PLD5: variants seen among roughly 807,000 people sequenced by gnomAD.
PLD5 encodes the protein inactive phospholipase D5.
Under a neutral mutation model 61.1 loss-of-function variants are expected in PLD5, and 36 were observed. The ratio of observed to expected loss-of-function variants is 0.59; its 90% CI spans 0.45 to 0.78. The LOEUF (loss-of-function observed/expected upper bound fraction) is 0.78. Ranked by LOEUF, PLD5 falls within the 30% of genes least tolerant of loss-of-function variation. The pLI, the probability that PLD5 is intolerant of heterozygous loss-of-function variation, is 0.00. For synonymous variants in PLD5, 243 were observed against 242.8 expected (o/e 1.00, Z -0.01); for missense variants, 515 against 644.4 (o/e 0.80, Z 2.17).
intron 2 of PLD5, among the ~76,000 whole-genome samples, chr1:242,291,460 A>G (rs565954654): frequency 1.3e-5 from 2 of 152,218 alleles, no homozygotes; most frequent in Admixed American, 1.3e-4. Flanking sequence ...CAAAGAATGC[A>G]TATTGGGTGT....
chr1:242,174,492 G>A (rs316881), intron 5 of PLD5, among the ~76,000 whole-genome samples: 55,860 of 151,208 alleles, frequency 0.37, 10,740 homozygotes, highest in African/African-American at 0.47. Flanking sequence ...TCAGTGTGGC[G>A]ATTCCTCAGG....
Position 242,330,814 on chromosome 1 carries a change from T to C in PLD5, c.326+17292A>G, listed in dbSNP as rs569426445. Among the ~76,000 whole-genome samples the C allele has an allele frequency of 3.6e-4, 55 of 152,326 alleles. No individual in the cohort carries two copies. The South Asian group carries it at 7.1e-3, about 20-fold the overall frequency. ...TCAATCTTTTGGCATTTCATAGACA[T>C]ACTTTTAGAGGAAAAAGGGATTTTG... On this transcript the variant is annotated intron_variant, in intron 2 of 9. Transcript: ENST00000536534.
chr1:242,315,360 G>T (rs1011178067), intron 2 of PLD5, among the ~76,000 whole-genome samples: 4 of 152,188 alleles, frequency 2.6e-5, no homozygotes, highest in Non-Finnish European at 5.9e-5. Flanking sequence ...AAATATGCAA[G>T]AAATTATAAA....
chr1:242,500,705 G>A (rs1265587555), intron 1 of PLD5, among the ~76,000 whole-genome samples: 1 of 152,068 alleles, frequency 6.6e-6, no homozygotes, highest in Non-Finnish European at 1.5e-5. Context: ...AGGAGCAAAG[G>A]TACAGAGCCC....
At chr1:242,381,448 T>G (rs974534329) in intron 1 of PLD5, among the ~76,000 whole-genome samples, 1 of 152,030 alleles carries the variant, frequency 6.6e-6, no homozygotes, top group Non-Finnish European at 1.5e-5. Flanking sequence ...ATGCTGAGCT[T>G]AATACCTAGG....
chr1:242,438,191 G>C (rs1225420467), intron 1 of PLD5, among the ~76,000 whole-genome samples: 1 of 152,062 alleles, frequency 6.6e-6, no homozygotes, highest in Non-Finnish European at 1.5e-5. Flanking sequence ...AGGTATATGA[G>C]GTCCACTGGG....
intron 1 of PLD5, among the ~76,000 whole-genome samples, chr1:242,410,739 C>T (rs527619778): frequency 6.6e-6 from 1 of 152,086 alleles, no homozygotes; most frequent in East Asian, 1.9e-4. Flanking sequence ...TATCCTACTG[C>T]TCAAGGTCAT....
intron 5 of PLD5, among the ~76,000 whole-genome samples, chr1:242,207,902 A>ATATTTATATTTATATATATT (rs1553324945): frequency 4.7e-5 from 1 of 21,084 alleles, no homozygotes; most frequent in Non-Finnish European, 7.9e-5. Flanking sequence ...ATATTTATAT[A>ATATTTATATTTATATATATT]TTTATATATA....
At chr1:242,397,852 T>C (rs1386524640) in intron 1 of PLD5, among the ~76,000 whole-genome samples, 1 of 151,574 alleles carries the variant, frequency 6.6e-6, no homozygotes, top group Non-Finnish European at 1.5e-5. Context: ...TGTATATGAA[T>C]ATTTACACTA....
chr1:242,152,517 C>A (rs572716760), intron 5 of PLD5, among the ~76,000 whole-genome samples: 3 of 152,050 alleles, frequency 2.0e-5, no homozygotes, highest in Non-Finnish European at 4.4e-5. Flanking sequence ...CCCCCTACCC[C>A]CTAACAGGCC....
chr1:242,392,341 C>T (rs548902073), intron 1 of PLD5, among the ~76,000 whole-genome samples: 4 of 152,164 alleles, frequency 2.6e-5, no homozygotes, highest in African/African-American at 9.6e-5. Flanking sequence ...ATCATTCATA[C>T]CATAAACCTC....
At chr1:242,170,816 G>A (rs316887) in intron 5 of PLD5, among the ~76,000 whole-genome samples, 1,848 of 152,108 alleles carry the variant, frequency 0.012, 43 homozygotes, top group East Asian at 0.06. Flanking sequence ...AGAGATTAAA[G>A]ATCAACTTAA....
intron 5 of PLD5, among the ~76,000 whole-genome samples, chr1:242,216,850 A>C (rs907905365): frequency 6.6e-6 from 1 of 152,224 alleles, no homozygotes; most frequent in Admixed American, 6.5e-5. Flanking sequence ...TTCATAGGAC[A>C]TGCTGACTCT....
intron 9 of PLD5, among the ~76,000 whole-genome samples, chr1:242,094,573 G>T (rs1214046280): frequency 6.6e-6 from 1 of 151,900 alleles, no homozygotes; most frequent in Non-Finnish European, 1.5e-5. Context: ...TTTCTTCTAG[G>T]GTTGAGTATT....
intron 2 of PLD5, among the ~76,000 whole-genome samples, chr1:242,322,339 A>G (rs1028538441): frequency 2.0e-5 from 3 of 152,110 alleles, no homozygotes; most frequent in African/African-American, 7.2e-5. Context: ...TCTTCCCCAG[A>G]TATCTACCTT....
Position 242,246,518 on chromosome 1 carries a change from A to ACACAC in PLD5, c.607+18818_607+18819insGTGTG, listed in dbSNP as rs1256880675. 1.8e-3 allele frequency among the ~76,000 whole-genome samples: 133 copies of ACACAC among 73,702 alleles called. 1 individual carries two copies. Among genetic ancestry groups the ACACAC allele is most frequent in the African/African-American group, 5.4e-3 (118 of 21,842 alleles). The allele number at this position is 73,702 out of a possible 152,430, so 48.4% of individuals were successfully genotyped here. A position where few individuals can be genotyped will look rare whatever the true frequency, so the allele number is the denominator to read the frequency against. On this transcript the variant is annotated intron_variant, in intron 4 of 9. Transcript: ENST00000536534. The stretch of plus-strand genomic sequence containing the variant: ...ACACACACACACACACACACACACA[A>ACACAC]AAGCAAAATCAGCTATAATCTCATC...
intron 5 of PLD5, among the ~76,000 whole-genome samples, chr1:242,152,204 G>T (rs956338495): frequency 6.6e-5 from 10 of 151,970 alleles, no homozygotes; most frequent in East Asian, 1.9e-4. Flanking sequence ...CTTCCCTGTC[G>T]CATGGCCTCT....
At chr1:242,247,187 T>A (rs1014424180) in intron 4 of PLD5, among the ~76,000 whole-genome samples, 2 of 152,090 alleles carry the variant, frequency 1.3e-5, no homozygotes, top group Non-Finnish European at 2.9e-5. Flanking sequence ...TTTCACTGTG[T>A]TAGCCAGGAT....
chr1:242,270,035 A>G (rs1321645219), intron 3 of PLD5, among the ~76,000 whole-genome samples: 1 of 152,016 alleles, frequency 6.6e-6, no homozygotes. Flanking sequence ...ATGCCCAAAC[A>G]CAATGTGAAG....
Sources: allele counts gnomAD v4.1 joint callset (sites outside exome capture counted in the v4.1 genomes callset), GRCh38; gene constraint gnomAD v4.1.1; transcripts MANE v1.5; gene names NCBI Gene and HGNC (gene_info 2026-07-23, HGNC 2026-07-21).